C10orf90: variants seen among roughly 807,000 people sequenced by gnomAD.
The protein encoded by C10orf90 is chromosome 10 open reading frame 90.
In C10orf90, 56 loss-of-function variants were observed where a neutral mutation model predicts 62.5. The ratio of observed to expected loss-of-function variants is 0.90; its 90% CI spans 0.72 to 1.12. The LOEUF (loss-of-function observed/expected upper bound fraction) is 1.12. Ranked by LOEUF, C10orf90 falls within the 50% of genes most tolerant of loss-of-function variation. C10orf90 has a pLI of 0.00. For synonymous variants in C10orf90, 386 were observed against 340.4 expected (o/e 1.13, Z -1.47); for missense variants, 970 against 880.4 (o/e 1.10, Z -1.29).
intron 2 of C10orf90, among the ~76,000 whole-genome samples, chr10:126,594,484 A>G (rs1283573641): frequency 9.9e-5 from 15 of 152,170 alleles, no homozygotes; most frequent in Non-Finnish European, 1.5e-5. Context: ...CTGAATATTC[A>G]CCTACACCAA....
intron 3 of C10orf90, among the ~76,000 whole-genome samples, chr10:126,508,118 G>A (rs755062760): frequency 8.0e-5 from 12 of 149,270 alleles, no homozygotes; most frequent in Non-Finnish European, 1.8e-4. Flanking sequence ...TTTGCGCCAG[G>A]GACTGCCTGC....
At position 126,456,003 on chromosome 10, in the gene C10orf90, C is replaced by T. The variant is rs1205229240; in HGVS notation, c.2188+3037G>A. On this transcript the variant is annotated intron_variant, in intron 7 of 9. Coordinates refer to ENST00000488181, the MANE Select transcript of C10orf90 (RefSeq NM_001350921.2). The surrounding 1 kb of genome is among the most constrained non-coding windows in gnomAD (Gnocchi z 4.9). ...CCTGAGCCAAGATTGCTTGACAAGC[C>T]CCGATCAGAGGCAGCTACCCCAGCA... is the stretch of plus-strand genomic sequence containing the variant. Among the ~76,000 whole-genome samples, 1 of 152,204 alleles carries T rather than the reference C, an allele frequency of 6.6e-6. No individual in the cohort carries two copies. Among genetic ancestry groups the T allele is most frequent in the Admixed American group, 6.5e-5 (1 of 15,286 alleles).
intron 2 of C10orf90, among the ~76,000 whole-genome samples, chr10:126,576,152 A>C (rs2134009193): frequency 6.6e-6 from 1 of 152,278 alleles, no homozygotes; most frequent in Admixed American, 6.5e-5. Flanking sequence ...ACAGAATGGG[A>C]GAAAATACTT....
intron 2 of C10orf90, among the ~76,000 whole-genome samples, chr10:126,624,760 A>T (rs1845710302): frequency 6.6e-6 from 1 of 152,164 alleles, no homozygotes; most frequent in African/African-American, 2.4e-5. Context: ...CAGAGCAGGG[A>T]AAGGAAAGGT....
intron 3 of C10orf90, among the ~76,000 whole-genome samples, chr10:126,507,218 G>A (rs970586790): frequency 1.3e-5 from 2 of 151,776 alleles, no homozygotes; most frequent in Non-Finnish European, 2.9e-5. Flanking sequence ...TTAGCTGGGC[G>A]TGGTGGCAGG....
At chr10:126,580,374 G>A (rs1844720868) in intron 2 of C10orf90, among the ~76,000 whole-genome samples, 1 of 152,192 alleles carries the variant, frequency 6.6e-6, no homozygotes, top group South Asian at 2.1e-4. Context: ...GACATTAAGA[G>A]GCCAGGCGTG....
At chr10:126,494,131 C>T (rs567181358) in intron 4 of C10orf90, among the ~76,000 whole-genome samples, 48 of 152,302 alleles carry the variant, frequency 3.2e-4, no homozygotes, top group African/African-American at 1.1e-3. Context: ...TGCCTAAATA[C>T]GACCCACCTA....
chr10:126,442,743 A>G (rs1212959448), intron 7 of C10orf90, among the ~76,000 whole-genome samples: 1 of 142,538 alleles, frequency 7.0e-6, no homozygotes, highest in Non-Finnish European at 1.5e-5. Context: ...TTTCTCCATG[A>G]TAGACCATAT....
chr10:126,575,548 C>T (rs1564878546), intron 2 of C10orf90, among the ~76,000 whole-genome samples: 2 of 151,388 alleles, frequency 1.3e-5, no homozygotes, highest in African/African-American at 4.9e-5. Flanking sequence ...ATACCAATGA[C>T]ATTTTTCACA....
chr10:126,640,872 T>A (rs1846045933), intron 2 of C10orf90, among the ~76,000 whole-genome samples: 1 of 152,212 alleles, frequency 6.6e-6, no homozygotes, highest in African/African-American at 2.4e-5. Flanking sequence ...TGGGGACTGA[T>A]GTGATTTTTG....
At chr10:126,609,734 A>AG (rs1373928953) in intron 2 of C10orf90, among the ~76,000 whole-genome samples, 1 of 152,158 alleles carries the variant, frequency 6.6e-6, no homozygotes, top group Admixed American at 6.5e-5. Context: ...ACACAATAGG[A>AG]GGCAAGGGAG....
chr10:126,556,556 T>C (rs1864777819), intron 2 of C10orf90, among the ~76,000 whole-genome samples: 1 of 152,180 alleles, frequency 6.6e-6, no homozygotes, highest in African/African-American at 2.4e-5. Flanking sequence ...ATTCTGAAAA[T>C]GAAATTCAAT....
intron 2 of C10orf90, among the ~76,000 whole-genome samples, chr10:126,616,174 T>C (rs1452432682): frequency 6.6e-6 from 1 of 152,206 alleles, no homozygotes; most frequent in Non-Finnish European, 1.5e-5. Flanking sequence ...TTTTATCTGT[T>C]CTAGGTGTGG....
intron 4 of C10orf90, among the ~76,000 whole-genome samples, chr10:126,497,779 A>G (rs1862148334): frequency 2.0e-5 from 3 of 152,188 alleles, no homozygotes; most frequent in Admixed American, 2.0e-4. Flanking sequence ...TGCAGTATGA[A>G]AGCAGCCACA....
chr10:126,582,429 C>G, intron 2 of C10orf90, among the ~76,000 whole-genome samples: 1 of 152,282 alleles, frequency 6.6e-6, no homozygotes. Context: ...ACTTATGAAG[C>G]CCGCATGGAA....
At chr10:126,505,891 T>C (rs1297454690) in intron 3 of C10orf90, among the ~76,000 whole-genome samples, 2 of 152,174 alleles carry the variant, frequency 1.3e-5, no homozygotes, top group African/African-American at 4.8e-5. Flanking sequence ...GAGGCGGAAG[T>C]TGTGGTGAGC....
intron 1 of C10orf90, among the ~76,000 whole-genome samples, chr10:126,651,443 G>C (rs990115135): frequency 6.6e-6 from 1 of 151,992 alleles, no homozygotes; most frequent in Non-Finnish European, 1.5e-5. Context: ...GATCCTGCTG[G>C]AGTTATTGCA....
intron 2 of C10orf90, among the ~76,000 whole-genome samples, chr10:126,543,933 G>A (rs541111340): frequency 6.6e-6 from 1 of 152,274 alleles, no homozygotes; most frequent in Non-Finnish European, 1.5e-5. Context: ...CAGGGTCGCG[G>A]TGACATGTCA....
At chr10:126,590,345 A>G (rs1470812355) in intron 2 of C10orf90, among the ~76,000 whole-genome samples, 1 of 152,210 alleles carries the variant, frequency 6.6e-6, no homozygotes, top group East Asian at 1.9e-4. Context: ...CAGACCTAAT[A>G]GATACCTGCA....
Sources: gnomAD v4.1 joint callset for allele counts (sites outside exome capture counted in the v4.1 genomes callset) on GRCh38, gnomAD v4.1.1 for gene constraint, Gnocchi (gnomAD v3.1) non-coding constraint, MANE v1.5 for transcripts, NCBI Gene and HGNC (gene_info 2026-07-23, HGNC 2026-07-21) for gene names.